The following UBE2E2 variants were observed in gnomAD, a reference collection of about 807,000 sequenced individuals.
The protein encoded by UBE2E2 is ubiquitin-conjugating enzyme E2 E2.
A neutral mutation model predicts 24.7 loss-of-function variants in UBE2E2; 6 were observed. That is an observed-to-expected ratio of 0.24 (90% CI 0.13 to 0.48). UBE2E2 has a LOEUF of 0.48. UBE2E2 is among the 20% of genes least tolerant of loss of function. The probability of loss-of-function intolerance (pLI) is 0.99; values close to 1 mark genes in which losing one functional copy is unlikely to be tolerated. For synonymous variants in UBE2E2, 104 were observed against 83.6 expected (o/e 1.24, Z -1.33); for missense variants, 169 against 245.0 (o/e 0.69, Z 2.07).
chr3:23,228,683 CATTT>C (rs1480409499), intron 3 of UBE2E2, among the ~76,000 whole-genome samples: 2 of 152,012 alleles, frequency 1.3e-5, no homozygotes, highest in Non-Finnish European at 2.9e-5. Flanking sequence ...AATAAATGTT[CATTT>C]AGAACTGTCT....
chr3:23,488,605 T>C (rs1202292463), intron 3 of UBE2E2, among the ~76,000 whole-genome samples: 1 of 152,218 alleles, frequency 6.6e-6, no homozygotes. Context: ...CGGGAAGCTT[T>C]ACATTTCACC....
intron 3 of UBE2E2, among the ~76,000 whole-genome samples, chr3:23,346,447 G>A (rs1202687151): frequency 2.0e-5 from 3 of 152,166 alleles, no homozygotes; most frequent in South Asian, 2.1e-4. Flanking sequence ...TCAGTAAAAT[G>A]TATTTAGCTG....
At chr3:23,228,580 C>A (rs1696888567) in intron 3 of UBE2E2, among the ~76,000 whole-genome samples, 1 of 152,074 alleles carries the variant, frequency 6.6e-6, no homozygotes, top group South Asian at 2.1e-4. Flanking sequence ...AGCTTTATTG[C>A]AAACAAATAA....
chr3:23,582,860 A>AGTGTGTGTGTGTGTGTGTGTGT (rs58053821), intron 5 of UBE2E2, among the ~76,000 whole-genome samples: 18 of 116,742 alleles, frequency 1.5e-4, no homozygotes, highest in African/African-American at 6.4e-4. Flanking sequence ...TATTCTGTTG[A>AGTGTGTGTGTGTGTGTGTGTGT]GTGTGTGTGT....
chr3:23,575,423 C>T (rs545505641), intron 5 of UBE2E2, among the ~76,000 whole-genome samples: 2 of 152,164 alleles, frequency 1.3e-5, no homozygotes, highest in South Asian at 4.1e-4. Context: ...AGTACTGAGG[C>T]CAAAGCTTAG....
At chr3:23,391,294 A>C (rs986563428) in intron 3 of UBE2E2, among the ~76,000 whole-genome samples, 7 of 152,338 alleles carry the variant, frequency 4.6e-5, no homozygotes, top group African/African-American at 1.4e-4. Context: ...TACTTAAACT[A>C]TACATTTTTA....
chr3:23,488,661 C>G (rs766728392), intron 3 of UBE2E2, among the ~76,000 whole-genome samples: 2 of 152,176 alleles, frequency 1.3e-5, no homozygotes, highest in African/African-American at 4.8e-5. Context: ...TTTTGAGAAG[C>G]GATTTGGCTT....
chr3:23,344,534 G>C (rs550417889), intron 3 of UBE2E2, among the ~76,000 whole-genome samples: 1 of 151,332 alleles, frequency 6.6e-6, no homozygotes, highest in Non-Finnish European at 1.5e-5. Context: ...TCCGAGTTGC[G>C]TCCCTAAAGG....
intron 3 of UBE2E2, among the ~76,000 whole-genome samples, chr3:23,309,765 T>G (rs1694304946): frequency 6.6e-6 from 1 of 152,164 alleles, no homozygotes; most frequent in Admixed American, 6.5e-5. Context: ...GGAACTACTT[T>G]CAAGTTAGCT....
intron 3 of UBE2E2, among the ~76,000 whole-genome samples, chr3:23,301,321 T>A (rs113094159): frequency 6.6e-6 from 1 of 152,246 alleles, no homozygotes; most frequent in Non-Finnish European, 1.5e-5. Context: ...GTTCTGTTGC[T>A]GGTGAGGAGC....
intron 4 of UBE2E2, among the ~76,000 whole-genome samples, chr3:23,502,258 A>G (rs1302938811): frequency 7.1e-6 from 1 of 141,564 alleles, no homozygotes; most frequent in Non-Finnish European, 1.5e-5. Context: ...CACGTTAGCC[A>G]TGCATTTTGA....
chr3:23,286,414 C>T (rs1698615675), intron 3 of UBE2E2, among the ~76,000 whole-genome samples: 1 of 152,092 alleles, frequency 6.6e-6, no homozygotes, highest in Non-Finnish European at 1.5e-5. Context: ...ACTGTCCTTT[C>T]TTCAGTGTAT....
At chr3:23,457,590 T>TCA (rs1698707772) in intron 3 of UBE2E2, among the ~76,000 whole-genome samples, 1 of 152,106 alleles carries the variant, frequency 6.6e-6, no homozygotes, top group Non-Finnish European at 1.5e-5. Context: ...AGTGGCGTGA[T>TCA]CACAGCTCAC....
At chr3:23,567,013 G>T (rs1028999814) in intron 5 of UBE2E2, among the ~76,000 whole-genome samples, 2 of 152,170 alleles carry the variant, frequency 1.3e-5, no homozygotes, top group African/African-American at 4.8e-5. Flanking sequence ...ACTGTGCCTG[G>T]TCTCTCACAA....
At chr3:23,352,662 C>T (rs1372696171) in intron 3 of UBE2E2, among the ~76,000 whole-genome samples, 1 of 152,146 alleles carries the variant, frequency 6.6e-6, no homozygotes, top group African/African-American at 2.4e-5. Flanking sequence ...TCAACACATA[C>T]ACCCTCCCAA....
chr3:23,547,395 A>G (rs1695548660), intron 5 of UBE2E2, among the ~76,000 whole-genome samples: 1 of 152,216 alleles, frequency 6.6e-6, no homozygotes, highest in Non-Finnish European at 1.5e-5. Flanking sequence ...TATGGTCTGT[A>G]TACTTCTCTT....
Position 23,208,770 on chromosome 3 carries a change from G to C in UBE2E2, c.71G>C (p.Arg24Pro). 6.2e-7 allele frequency: 1 copy of C among 1,613,744 alleles called. No individual in the cohort carries two copies. The highest frequency in any genetic ancestry group is 8.5e-7 in the Non-Finnish European group (1 of 1,179,782). Residue 24 changes from arginine (R) to proline (P), a missense_variant, in exon 2 of 6, where the codon CGT becomes CCT. By Grantham distance (103) the Arg-to-Pro change is moderately radical. This residue lies in a region of UBE2E2 where 64 missense variants were observed against 64.3 expected (regional missense o/e 1.00). Coordinates refer to ENST00000396703, the MANE Select transcript of UBE2E2 (RefSeq NM_152653.4). Reference protein sequence around the residue: ...TSGGSSDGDQRESVQQEPERE... With the variant: ...TSGGSSDGDQPESVQQEPERE... ...GGAGGAAGTTCCGATGGAGATCAAC[G>C]TGAAAGTGTTCAGCAAGAACCAGAA...
At chr3:23,265,253 G>A (rs373366529) in intron 3 of UBE2E2, among the ~76,000 whole-genome samples, 1 of 152,190 alleles carries the variant, frequency 6.6e-6, no homozygotes, top group Non-Finnish European at 1.5e-5. Context: ...GGTTGAACTT[G>A]AAGGGGATGG....
intron 3 of UBE2E2, among the ~76,000 whole-genome samples, chr3:23,223,823 G>A (rs79139851): frequency 0.043 from 6,596 of 152,182 alleles, 186 homozygotes; most frequent in South Asian, 0.14. Flanking sequence ...TTTTTTTTGT[G>A]TATGGTGAGA....
Sources: gnomAD v4.1 joint callset for allele counts (sites outside exome capture counted in the v4.1 genomes callset) on GRCh38, gnomAD v4.1.1 for gene constraint, gnomAD v4.1.1 regional missense constraint, MANE v1.5 for transcripts, NCBI Gene and HGNC (gene_info 2026-07-23, HGNC 2026-07-21) for gene names.